Variants in DUSP11 observed in about 807,000 individuals in gnomAD.
The protein encoded by DUSP11 is dual specificity phosphatase 11.
In DUSP11, 27 loss-of-function variants were observed where a neutral mutation model predicts 41.4. The ratio of observed to expected loss-of-function variants is 0.65; its 90% CI spans 0.48 to 0.90. The LOEUF (loss-of-function observed/expected upper bound fraction) is 0.90, where lower values mean the gene tolerates loss of function less well. Among genes scored for constraint, DUSP11 ranks in the 40% least tolerant of loss-of-function variants. The pLI is 0.00. For missense variants in DUSP11, 465 were observed against 461.1 expected, an observed-to-expected ratio of 1.01 and a Z score of -0.08; for synonymous variants, 188 against 159.3, an observed-to-expected ratio of 1.18 and a Z score of -1.35.
intron 5 of DUSP11, 116 bp downstream of exon 5, chr2:73,769,149 G>C: frequency 1.3e-6 from 1 of 790,558 alleles, no homozygotes; most frequent in Non-Finnish European, 2.1e-6. Context: ...TGGGGAGCAA[G>C]ACTGCCTTCT....
rs561691881 is a variant in DUSP11 at position 73,766,125 on chromosome 2, T to G, written c.935+293A>C. ...GAGATCAAGACCATCCTGTCTAACATGGTGAAACCCCATCTCTACTAAAAA... is the reference window on the plus strand; with the variant it reads ...GAGATCAAGACCATCCTGTCTAACAGGGTGAAACCCCATCTCTACTAAAAA... On this transcript the variant is annotated intron_variant, in intron 8 of 8. Coordinates refer to ENST00000272444, the Ensembl canonical transcript of DUSP11. 7.3e-4 allele frequency among the ~76,000 whole-genome samples: 111 copies of G among 152,182 alleles called. 1 individual carries two copies. The highest frequency in any genetic ancestry group is 3.4e-3 in the Middle Eastern group (1 of 294).
chr2:73,770,302 G>C (rs2103936376), intron 4 of DUSP11, among the ~76,000 whole-genome samples: 1 of 152,066 alleles, frequency 6.6e-6, no homozygotes, highest in Non-Finnish European at 1.5e-5. Context: ...ATCATCTGAG[G>C]TCAGGAGTTC....
In DUSP11 at chr2:73,766,819, A is replaced by G; in HGVS notation, c.758+9T>C. ...CCCACAAATCTCACATATATAACAT[A>G]AGACTTACTTTCTGATAGGACCATT... On this transcript the variant is annotated intron_variant, in intron 7 of 8. Transcript: ENST00000272444. 6.2e-7 allele frequency: 1 copy of G among 1,602,248 alleles called. No homozygotes were observed. The highest frequency in any genetic ancestry group is 8.6e-7 in the Non-Finnish European group (1 of 1,169,546).
At chr2:73,769,462 A>G (rs1672531700) in intron 4 of DUSP11, 137 bp from the exon 5 acceptor site, 6 of 654,860 alleles carry the variant, frequency 9.2e-6, no homozygotes, top group Non-Finnish European at 1.5e-5. Context: ...ATCTAACAGA[A>G]AGCCAAAACT....
rs536003306 is a variant in DUSP11, at chr2:73,765,166, C to A, written c.935+1252G>T. Reference sequence around the variant, plus strand: ...AGTGGGTGGACTGAGTGGGAGGATCCACCCTCAGTTTGCGTAGGTACCATC... The same window carrying A: ...AGTGGGTGGACTGAGTGGGAGGATCAACCCTCAGTTTGCGTAGGTACCATC... On this transcript the variant is annotated intron_variant, in intron 8 of 8. Coordinates refer to ENST00000272444, the Ensembl canonical transcript of DUSP11. Among the ~76,000 whole-genome samples the A allele has an allele frequency of 3.4e-4, 52 of 152,192 alleles. No individual in the cohort carries two copies. In the East Asian group the frequency reaches 0.01, roughly 29 times the overall value.
At chr2:73,762,858 T>C (rs1250228610) in exon 9 of DUSP11, 2 of 1,561,704 alleles carry the variant, frequency 1.3e-6, no homozygotes, top group Non-Finnish European at 1.7e-6. Flanking sequence ...TCTGAAAATT[T>C]TCTTAAAGCA....
At chr2:73,766,351 G>A (rs1672461637) in intron 8 of DUSP11, 67 bp downstream of exon 8, 2 of 1,259,352 alleles carry the variant, frequency 1.6e-6, no homozygotes, top group African/African-American at 3.0e-5. Context: ...GTATCATAAT[G>A]TGTTTTCATT....
intron 6 of DUSP11, 86 bp downstream of exon 6, chr2:73,767,074 CT>C: frequency 7.0e-7 from 1 of 1,428,660 alleles, no homozygotes; most frequent in African/African-American, 1.4e-5. Context: ...TTACAAACTT[CT>C]TTTTTTCCAA....
chr2:73,763,027 G>C (rs1330560707), intron 8 of DUSP11, among the ~76,000 whole-genome samples, 168 bp from the exon 9 acceptor site: 1 of 151,512 alleles, frequency 6.6e-6, no homozygotes, highest in Non-Finnish European at 1.5e-5. Context: ...ATACTTAATT[G>C]TTATTTCCCT....
chr2:73,778,082 T>A (rs1672718438), intron 2 of DUSP11, among the ~76,000 whole-genome samples: 1 of 151,882 alleles, frequency 6.6e-6, no homozygotes, highest in African/African-American at 2.4e-5. Context: ...AAATTACTTT[T>A]ATTTTATTTT....
intron 4 of DUSP11, among the ~76,000 whole-genome samples, chr2:73,771,098 T>G (rs1672564452): frequency 6.6e-6 from 1 of 152,220 alleles, no homozygotes; most frequent in South Asian, 2.1e-4. Context: ...GTTTTGTTAT[T>G]CTCCAAAGCA....
chr2:73,778,740 C>G (rs1337938589), intron 1 of DUSP11, among the ~76,000 whole-genome samples: 2 of 152,182 alleles, frequency 1.3e-5, no homozygotes, highest in African/African-American at 4.8e-5. Flanking sequence ...TATTTCACTT[C>G]ACGCTTTTAG....
chr2:73,777,047 C>G (rs1573185764), intron 2 of DUSP11, among the ~76,000 whole-genome samples: 2 of 152,262 alleles, frequency 1.3e-5, no homozygotes, highest in East Asian at 3.9e-4. Flanking sequence ...GTGGCATGAT[C>G]ATGGCTCACT....
chr2:73,762,692 G>A, exon 9 of DUSP11: 1 of 1,613,382 alleles, frequency 6.2e-7, no homozygotes, highest in Non-Finnish European at 8.5e-7. Flanking sequence ...GGCTGGATAG[G>A]AGAGTCTGGA....
rs561110585 is a variant in DUSP11, at chr2:73,768,499, T to C, written c.635+766A>G. The C allele has an allele frequency of 4.9e-5, 48 of 985,424 alleles. No individual in the cohort carries two copies. The East Asian group carries it at 2.0e-3, about 42-fold the overall frequency. The allele number at this position is 985,424 out of a possible 1,614,324, so 61.0% of individuals were successfully genotyped here. A position where few individuals can be genotyped will look rare whatever the true frequency, so the allele number is the denominator to read the frequency against. ...TAAAAAGCATAACGACACATACTAT[T>C]TGATTAAGAAATTCTATTTTGAGTG... On this transcript the variant is annotated intron_variant, in intron 5 of 8. Coordinates refer to ENST00000272444, the Ensembl canonical transcript of DUSP11.
intron 8 of DUSP11, among the ~76,000 whole-genome samples, chr2:73,763,670 C>T (rs1672404532): frequency 1.3e-5 from 2 of 152,048 alleles, no homozygotes; most frequent in South Asian, 2.1e-4. Flanking sequence ...TTGCGGTGAG[C>T]TGAGATCACA....
chr2:73,779,165 A>C (rs2103953302), intron 1 of DUSP11, among the ~76,000 whole-genome samples: 1 of 152,330 alleles, frequency 6.6e-6, no homozygotes, highest in Admixed American at 6.5e-5. Context: ...AACAAAAACA[A>C]AAAAACGGAT....
intron 2 of DUSP11, among the ~76,000 whole-genome samples, chr2:73,776,382 T>TC (rs1672685927): frequency 7.6e-6 from 1 of 132,196 alleles, no homozygotes; most frequent in African/African-American, 2.9e-5. Context: ...ACCACTGCAC[T>TC]CCAGCCTGGG....
chr2:73,770,381 G>C (rs1222111054), intron 4 of DUSP11, among the ~76,000 whole-genome samples: 6 of 151,864 alleles, frequency 4.0e-5, no homozygotes. Flanking sequence ...CAGGTGTGGT[G>C]GTGGGTGCCT....
Sources: gnomAD v4.1 joint callset for allele counts (sites outside exome capture counted in the v4.1 genomes callset) on GRCh38, gnomAD v4.1.1 for gene constraint, MANE v1.5 for transcripts, NCBI Gene and HGNC (gene_info 2026-07-23, HGNC 2026-07-21) for gene names.